Variants in AGBL4 observed in about 807,000 individuals in gnomAD.
AGBL4 encodes the protein cytosolic carboxypeptidase 6.
In AGBL4, 58 loss-of-function variants were observed where a neutral mutation model predicts 66.4. That is an observed-to-expected ratio of 0.87 (90% CI 0.71 to 1.09). The LOEUF (loss-of-function observed/expected upper bound fraction) is 1.09, where lower values mean the gene tolerates loss of function less well. Ranked by LOEUF, AGBL4 falls within the 50% of genes least tolerant of loss-of-function variation. The pLI is 0.00. For missense variants in AGBL4, 579 were observed against 631.0 expected (o/e 0.92, Z 0.88); for synonymous variants, 234 against 222.9 (o/e 1.05, Z -0.44).
chr1:49,493,687 C>T (rs934182737), intron 3 of AGBL4, among the ~76,000 whole-genome samples: 1 of 152,018 alleles, frequency 6.6e-6, no homozygotes, highest in African/African-American at 2.4e-5. Flanking sequence ...GGTCCCTTCT[C>T]ATAAGAACTT....
rs377485892 is a variant in AGBL4 at position 49,891,349 on chromosome 1, C to T, written c.35-39831G>A. On this transcript the variant is annotated intron_variant, in intron 1 of 13. Coordinates refer to ENST00000371839, the MANE Select transcript of AGBL4 (RefSeq NM_032785.4). ...GTAAGGAAAGTTCTAATTTCTTCAT[C>T]TGTATCAGTGATTCTCAACCCTGGG... 3.3e-5 allele frequency among the ~76,000 whole-genome samples: 5 copies of T among 152,298 alleles called. No homozygotes were observed. The South Asian group carries it at 1.0e-3, about 32-fold the overall frequency.
At chr1:48,774,551 C>G (rs1433160146) in intron 6 of AGBL4, among the ~76,000 whole-genome samples, 3 of 152,188 alleles carry the variant, frequency 2.0e-5, no homozygotes, top group Admixed American at 1.3e-4. Context: ...TTCAAACTGG[C>G]ACACTTCTTT....
intron 3 of AGBL4, among the ~76,000 whole-genome samples, chr1:49,345,785 TCTTAA>T (rs1465113942): frequency 6.6e-6 from 1 of 152,198 alleles, no homozygotes; most frequent in Non-Finnish European, 1.5e-5. Context: ...TTGTGAGTAT[TCTTAA>T]CTTATGAAAA....
chr1:49,736,802 A>G (rs1649928865), intron 2 of AGBL4, among the ~76,000 whole-genome samples: 1 of 152,098 alleles, frequency 6.6e-6, no homozygotes. Flanking sequence ...ATCTATAGGA[A>G]TCTTACATCA....
In AGBL4 at chr1:48,577,057, G is replaced by T. The variant is rs79997348; in HGVS notation, c.1267+9947C>A. ...TAAGCCCCCCTCAAATGTTCCAGGCGTTCATGCATTCAACAATTATTTATT... is the reference window on the plus strand; with the variant it reads ...TAAGCCCCCCTCAAATGTTCCAGGCTTTCATGCATTCAACAATTATTTATT... On this transcript the variant is annotated intron_variant, in intron 11 of 13. Transcript: ENST00000371839. Among the ~76,000 whole-genome samples, 168 of 152,282 alleles carry T rather than the reference G, an allele frequency of 1.1e-3. 6 individuals carry two copies. The East Asian group carries it at 0.029, about 26-fold the overall frequency.
At chr1:49,341,539 G>T (rs1173249782) in intron 3 of AGBL4, among the ~76,000 whole-genome samples, 1 of 152,080 alleles carries the variant, frequency 6.6e-6, no homozygotes, top group African/African-American at 2.4e-5. Flanking sequence ...TAAGACACAG[G>T]GGGTTAGAGG....
intron 1 of AGBL4, among the ~76,000 whole-genome samples, chr1:49,955,242 T>C (rs1656496929): frequency 6.6e-6 from 1 of 152,088 alleles, no homozygotes; most frequent in African/African-American, 2.4e-5. Flanking sequence ...TTCTTGGCCA[T>C]CTAGATTCAC....
At chr1:49,068,425 C>T (rs185147377) in intron 4 of AGBL4, among the ~76,000 whole-genome samples, 4,087 of 150,858 alleles carry the variant, frequency 0.027, 152 homozygotes, top group African/African-American at 0.093. Flanking sequence ...GTTCCCCTCC[C>T]GGTGTCCATG....
At chr1:49,389,668 C>T (rs1212271840) in intron 3 of AGBL4, among the ~76,000 whole-genome samples, 1 of 152,142 alleles carries the variant, frequency 6.6e-6, no homozygotes, top group East Asian at 1.9e-4. Flanking sequence ...AATGCCACCA[C>T]AGACTTCTTG....
intron 3 of AGBL4, among the ~76,000 whole-genome samples, chr1:49,425,823 A>C (rs1454213770): frequency 1.3e-5 from 2 of 152,206 alleles, no homozygotes; most frequent in Non-Finnish European, 2.9e-5. Context: ...TACAATGTAA[A>C]GTGCATGGTA....
intron 6 of AGBL4, among the ~76,000 whole-genome samples, chr1:48,684,674 C>T (rs1355027290): frequency 6.6e-6 from 1 of 152,036 alleles, no homozygotes; most frequent in African/African-American, 2.4e-5. Flanking sequence ...AGAGGGTGGC[C>T]TAAAAGGCAT....
At chr1:49,409,731 T>A (rs541174998) in intron 3 of AGBL4, among the ~76,000 whole-genome samples, 59 of 152,288 alleles carry the variant, frequency 3.9e-4, no homozygotes, top group African/African-American at 1.2e-3. Flanking sequence ...GATTTATTTT[T>A]AAAAAAACAA....
intron 5 of AGBL4, among the ~76,000 whole-genome samples, chr1:48,993,599 C>T (rs1035165697): frequency 9.9e-5 from 15 of 152,230 alleles, no homozygotes; most frequent in South Asian, 2.1e-4. Flanking sequence ...TGATCCAGAC[C>T]GCCTTTGAAG....
chr1:49,195,246 C>T (rs1197709199), intron 4 of AGBL4, among the ~76,000 whole-genome samples: 1 of 152,018 alleles, frequency 6.6e-6, no homozygotes, highest in Non-Finnish European at 1.5e-5. Context: ...TTTATAAGAC[C>T]TTTCATGTTT....
intron 3 of AGBL4, among the ~76,000 whole-genome samples, chr1:49,273,102 T>C (rs1290905089): frequency 2.0e-5 from 3 of 152,164 alleles, no homozygotes; most frequent in Admixed American, 1.3e-4. Flanking sequence ...GAAGTGGCTA[T>C]GGCAAGGCTG....
intron 3 of AGBL4, among the ~76,000 whole-genome samples, chr1:49,513,808 T>C (rs898511129): frequency 2.6e-5 from 4 of 152,018 alleles, no homozygotes; most frequent in African/African-American, 9.7e-5. Flanking sequence ...AACTGACTGC[T>C]TGACTGACAA....
Position 49,001,935 on chromosome 1 carries a change from T to C in AGBL4, c.594+43649A>G, listed in dbSNP as rs78953198. ...AAATTAGCTAACTCCCTTAACTCTC[T>C]GTTTCTTCATCTGTAAAGTAAGATA... On this transcript the variant is annotated intron_variant, in intron 5 of 13. Transcript: ENST00000371839. 3.3e-3 allele frequency among the ~76,000 whole-genome samples: 499 copies of C among 152,362 alleles called. 2 individuals are homozygous for C. Among genetic ancestry groups the C allele is most frequent in the Admixed American group, 5.3e-3 (81 of 15,304 alleles).
At chr1:48,648,066 A>T (rs1288856609) in intron 8 of AGBL4, among the ~76,000 whole-genome samples, 4 of 152,196 alleles carry the variant, frequency 2.6e-5, no homozygotes, top group Non-Finnish European at 5.9e-5. Flanking sequence ...AATACACATA[A>T]CATAAAACTT....
At chr1:49,590,417 C>G (rs1644730084) in intron 3 of AGBL4, among the ~76,000 whole-genome samples, 1 of 150,534 alleles carries the variant, frequency 6.6e-6, no homozygotes, top group South Asian at 2.1e-4. Context: ...GGAGGCTAGT[C>G]CCTGGCACAA....
Sources: gnomAD v4.1 joint callset for allele counts (sites outside exome capture counted in the v4.1 genomes callset) on GRCh38, gnomAD v4.1.1 for gene constraint, MANE v1.5 for transcripts, NCBI Gene and HGNC (gene_info 2026-07-23, HGNC 2026-07-21) for gene names.